The following AGBL1 variants were observed in gnomAD, a reference collection of about 807,000 sequenced individuals.
AGBL1 encodes the protein AGBL carboxypeptidase 1, also known as cytosolic carboxypeptidase 4.
A neutral mutation model predicts 118.9 loss-of-function variants in AGBL1; 130 were observed. The observed-to-expected ratio is 1.09, with a 90% CI of 0.95 to 1.26. The LOEUF is 1.26. Ranked by LOEUF, AGBL1 falls within the 50% of genes most tolerant of loss-of-function variation. The pLI is 0.00. For missense variants in AGBL1, 1,584 were observed against 1,298.1 expected, an observed-to-expected ratio of 1.22 and a Z score of -3.38; for synonymous variants, 555 against 478.9, an observed-to-expected ratio of 1.16 and a Z score of -2.08.
chr15:86,703,550 T>G (rs1281548432), intron 22 of AGBL1, among the ~76,000 whole-genome samples: 3 of 152,184 alleles, frequency 2.0e-5, no homozygotes, highest in Non-Finnish European at 2.9e-5. Flanking sequence ...TGACTGTTTT[T>G]CTGTTACGGT....
chr15:86,108,841 C>T (rs1335904187), intron 1 of AGBL1, among the ~76,000 whole-genome samples: 1 of 152,130 alleles, frequency 6.6e-6, no homozygotes, highest in Non-Finnish European at 1.5e-5. Flanking sequence ...CCTGTAGTCC[C>T]AGCTACTTGG....
At chr15:86,677,536 G>C (rs534909503) in intron 22 of AGBL1, among the ~76,000 whole-genome samples, 27 of 152,232 alleles carry the variant, frequency 1.8e-4, no homozygotes, top group South Asian at 1.2e-3. Context: ...GTTTTGCCGA[G>C]TCAGCCACTG....
At chr15:86,919,640 A>G (rs2080465043), downstream of AGBL1, among the ~76,000 whole-genome samples, 1 of 152,004 alleles carries the variant, frequency 6.6e-6, no homozygotes, top group Non-Finnish European at 1.5e-5. Flanking sequence ...AAACTCTTAT[A>G]TGAATGAAGA....
intron 21 of AGBL1, among the ~76,000 whole-genome samples, chr15:86,669,925 C>T (rs1286358536): frequency 1.3e-5 from 2 of 152,074 alleles, no homozygotes; most frequent in Non-Finnish European, 2.9e-5. Flanking sequence ...CTGCTTTGTA[C>T]CTTGACTTTA....
intron 21 of AGBL1, among the ~76,000 whole-genome samples, chr15:86,634,207 G>C (rs967725762): frequency 4.6e-5 from 7 of 152,090 alleles, no homozygotes; most frequent in Admixed American, 2.0e-4. Flanking sequence ...CTCTTCCATG[G>C]CTGGGTGTAT....
At chr15:86,578,064 A>G (rs980304935) in intron 21 of AGBL1, among the ~76,000 whole-genome samples, 6 of 152,140 alleles carry the variant, frequency 3.9e-5, no homozygotes, top group African/African-American at 1.4e-4. Context: ...TGGTAGATCC[A>G]CTGACAGCTT....
chr15:86,622,050 A>G (rs1466691027), intron 21 of AGBL1, among the ~76,000 whole-genome samples: 1 of 152,168 alleles, frequency 6.6e-6, no homozygotes, highest in Non-Finnish European at 1.5e-5. Flanking sequence ...GGGGTCAGCC[A>G]GGTGTAGTGG....
In AGBL1 at chr15:86,804,133, G is replaced by A. The variant is rs138933736; in HGVS notation, c.3159-102954G>A. ...AAGTGACAGAAATTCCAGCCCTTTA[G>A]TATTTAACATTAAGAGTAAATATGA... On this transcript the variant is annotated intron_variant, in intron 22 of 22. Transcript: ENST00000614907. 3.9e-3 allele frequency among the ~76,000 whole-genome samples: 598 copies of A among 152,214 alleles called. 3 individuals carry two copies. Among genetic ancestry groups the A allele is most frequent in the African/African-American group, 0.013 (557 of 41,538 alleles).
At chr15:86,985,922 CTTTTTTTTTTT>C (rs57966049) in intron 23 of AGBL1, among the ~76,000 whole-genome samples, 123,452 of 150,030 alleles carry the variant, frequency 0.82, 51,013 homozygotes, top group South Asian at 0.95. Flanking sequence ...GGATAGCAAT[CTTTTTTTTTTT>C]TTTTTTTTGA....
chr15:86,454,273 C>A (rs773526694), intron 18 of AGBL1, among the ~76,000 whole-genome samples: 4 of 152,158 alleles, frequency 2.6e-5, no homozygotes, highest in Non-Finnish European at 4.4e-5. Flanking sequence ...AAAAATGAAG[C>A]TAATTGTTGC....
intron 11 of AGBL1, 94 bp from the exon 12 acceptor site, chr15:86,266,280 T>A: frequency 1.2e-6 from 1 of 804,034 alleles, no homozygotes. Context: ...CATATTTTTC[T>A]GGTGACCCCC....
chr15:86,704,952 A>G (rs2086421590), intron 22 of AGBL1, among the ~76,000 whole-genome samples: 1 of 152,222 alleles, frequency 6.6e-6, no homozygotes, highest in South Asian at 2.1e-4. Flanking sequence ...CTATGCAGCC[A>G]TAAAAAGGAA....
At chr15:86,575,980 T>A (rs2084085997) in intron 21 of AGBL1, among the ~76,000 whole-genome samples, 1 of 152,180 alleles carries the variant, frequency 6.6e-6, no homozygotes, top group African/African-American at 2.4e-5. Context: ...CATTGCTTGT[T>A]AGTGATAACA....
intron 21 of AGBL1, among the ~76,000 whole-genome samples, chr15:86,563,565 A>ATGTGATCGGTTT (rs754383305): frequency 1.3e-5 from 2 of 148,444 alleles, no homozygotes; most frequent in East Asian, 2.0e-4. Context: ...ACTTCCAACT[A>ATGTGATCGGTTT]TGGACTAAGT....
chr15:86,544,725 G>A (rs915190949), intron 19 of AGBL1, among the ~76,000 whole-genome samples: 6 of 152,150 alleles, frequency 3.9e-5, no homozygotes, highest in African/African-American at 1.4e-4. Flanking sequence ...CCCTTGACAT[G>A]TGGAGATTAT....
At chr15:86,703,516 C>G (rs1017759461) in intron 22 of AGBL1, among the ~76,000 whole-genome samples, 4 of 152,072 alleles carry the variant, frequency 2.6e-5, no homozygotes, top group Admixed American at 6.6e-5. Flanking sequence ...AAGCCTAGAA[C>G]AGTGCGATAA....
chr15:86,484,165 C>T (rs575017900), intron 18 of AGBL1, among the ~76,000 whole-genome samples: 144 of 152,220 alleles, frequency 9.5e-4, no homozygotes, highest in Non-Finnish European at 1.6e-3. Flanking sequence ...AGTATACTTT[C>T]TCTCCCCTCA....
At chr15:86,653,496 AC>A (rs2085411309) in intron 21 of AGBL1, among the ~76,000 whole-genome samples, 2 of 152,190 alleles carry the variant, frequency 1.3e-5, no homozygotes, top group Admixed American at 6.5e-5. Flanking sequence ...GATATAAACC[AC>A]AGTGATGAGC....
At chr15:86,324,905 G>T (rs1422295128) in intron 17 of AGBL1, among the ~76,000 whole-genome samples, 1 of 152,152 alleles carries the variant, frequency 6.6e-6, no homozygotes, top group Non-Finnish European at 1.5e-5. Context: ...CATGTGAGGA[G>T]ACCATGTAGC....
Sources: allele counts gnomAD v4.1 joint callset (sites outside exome capture counted in the v4.1 genomes callset), GRCh38; gene constraint gnomAD v4.1.1; transcripts MANE v1.5; gene names NCBI Gene and HGNC (gene_info 2026-07-23, HGNC 2026-07-21).